Variants in CDKL5 observed in about 807,000 individuals in gnomAD.
The protein encoded by CDKL5 is cyclin-dependent kinase-like 5.
CDKL5 carries 8 observed loss-of-function variants against 61.7 expected under a neutral mutation model. The observed-to-expected ratio is 0.13, with a 90% CI of 0.08 to 0.23. The LOEUF is 0.23. Ranked by LOEUF, CDKL5 falls within the 10% of genes least tolerant of loss-of-function variation. CDKL5 has a pLI of 1.00. For synonymous variants in CDKL5, 275 were observed against 272.3 expected (o/e 1.01, Z -0.10); for missense variants, 440 against 734.5 (o/e 0.60, Z 4.63).
intron 20 of CDKL5, among the ~76,000 whole-genome samples, chrX:18,648,230 T>C (rs1927871503): frequency 9.2e-6 from 1 of 109,211 alleles, no homozygotes; most frequent in South Asian, 4.0e-4. Context: ...TATTCATTCA[T>C]TCTCCCCTTC....
At chrX:18,565,245 AT>A (rs749531317) in intron 4 of CDKL5, among the ~76,000 whole-genome samples, 1 of 111,781 alleles carries the variant, frequency 8.9e-6, no homozygotes, top group Non-Finnish European at 1.9e-5. Flanking sequence ...TCTAGACAAC[AT>A]TTTTTTCAGA....
chrX:18,584,216 A>G, intron 7 of CDKL5, 47 bp from the exon 8 acceptor site: 1 of 862,588 alleles, frequency 1.2e-6, no homozygotes, highest in Non-Finnish European at 1.7e-6. Flanking sequence ...CACATGAATT[A>G]TTATTTCTTT....
chrX:18,519,000 TGTGTGTCA>T (rs1479372590), intron 3 of CDKL5, among the ~76,000 whole-genome samples: 1 of 111,155 alleles, frequency 9.0e-6, no homozygotes, highest in East Asian at 2.8e-4. Context: ...GTTTTACCTC[TGTGTGTCA>T]GAGGGCCCAG....
intron 3 of CDKL5, among the ~76,000 whole-genome samples, chrX:18,556,314 T>C (rs1924599955): frequency 9.3e-6 from 1 of 108,099 alleles, no homozygotes; most frequent in African/African-American, 3.3e-5. Flanking sequence ...TCTTCAGTGA[T>C]GTGTGTGTGT....
intron 1 of CDKL5, among the ~76,000 whole-genome samples, chrX:18,480,928 G>A (rs1256219805): frequency 9.9e-6 from 1 of 101,418 alleles, no homozygotes; most frequent in African/African-American, 3.8e-5. Context: ...CGTGATCTCC[G>A]CTCACTGCAA....
At chrX:18,572,963 A>T (rs183670136) in intron 4 of CDKL5, among the ~76,000 whole-genome samples, 57 of 112,006 alleles carry the variant, frequency 5.1e-4, no homozygotes, top group African/African-American at 1.8e-3. Flanking sequence ...ATAAGGAATA[A>T]TGGGGATGGA....
At chrX:18,485,841 G>C (rs768548999) in intron 1 of CDKL5, among the ~76,000 whole-genome samples, 1 of 111,359 alleles carries the variant, frequency 9.0e-6, no homozygotes, top group Non-Finnish European at 1.9e-5. Flanking sequence ...ACTCCATTTG[G>C]GCCTGCTGTT....
In CDKL5 at chrX:18,584,285, A is replaced by C. The variant is rs758844150; in HGVS notation, c.486A>C (p.Glu162Asp). 8.3e-7 allele frequency: 1 copy of C among 1,203,401 alleles called. No individual in the cohort carries two copies. The highest frequency in any genetic ancestry group is 2.2e-5 in the Admixed American group (1 of 46,017). The change falls in exon 8 of 18, where the codon GAA (glutamate) becomes GAC (aspartate). Residue 162 changes from glutamate (E) to aspartate (D), a missense_variant. Glu to Asp is a conservative substitution (Grantham distance 45). Coordinates refer to ENST00000623535, the MANE Select transcript of CDKL5 (RefSeq NM_001323289.2). ...CDFGFARNLS[E>D]GNNANYTEYV... is the part of the protein sequence containing the mutation. Reference sequence around the variant, plus strand: ...CAGGTTTTGCTCGTAATCTGTCAGAAGGCAATAATGCTAATTACACAGAGT... The same window carrying C: ...CAGGTTTTGCTCGTAATCTGTCAGACGGCAATAATGCTAATTACACAGAGT...
At chrX:18,614,485 A>G (rs1926658174) in intron 15 of CDKL5, among the ~76,000 whole-genome samples, 1 of 111,979 alleles carries the variant, frequency 8.9e-6, no homozygotes, top group South Asian at 3.7e-4. Flanking sequence ...TGTGTAAAAT[A>G]GGGCTAAGAA....
intron 17 of CDKL5, among the ~76,000 whole-genome samples, chrX:18,626,537 T>C (rs1403941969): frequency 2.7e-5 from 3 of 110,677 alleles, no homozygotes; most frequent in African/African-American, 9.9e-5. Context: ...TGGATATGTA[T>C]GCAAACTAAA....
intron 16 of CDKL5, 59 bp downstream of exon 16, chrX:18,620,025 C>CT (rs1926841995): frequency 1.7e-5 from 12 of 719,377 alleles, no homozygotes; most frequent in Non-Finnish European, 2.6e-5. Context: ...TCAATGGATA[C>CT]TTTACACTTT....
intron 3 of CDKL5, among the ~76,000 whole-genome samples, chrX:18,544,778 TTTG>T (rs1924134278): frequency 1.8e-5 from 2 of 112,727 alleles, no homozygotes; most frequent in Admixed American, 9.4e-5. Context: ...TAGAAAAGTT[TTTG>T]TTTTCTTTCT....
At position 18,628,851 on chromosome X, in the gene CDKL5, G is replaced by T; in HGVS notation, c.*94G>T. ...CTTGGGGCATGGGCCGGGCCAAGTG[G>T]TGAGCCAATATTTTCAGCTTTATGA... On this transcript the variant is annotated 3_prime_UTR_variant, in exon 18 of 18. Transcript: ENST00000623535. The T allele has an allele frequency of 6.4e-6, 7 of 1,085,572 alleles. No individual in the cohort carries two copies. The highest frequency in any genetic ancestry group is 8.3e-6 in the Non-Finnish European group (7 of 840,872). The allele number at this position is 1,085,572 out of a possible 1,213,427, so 89.5% of individuals were successfully genotyped here. A position where few individuals can be genotyped will look rare whatever the true frequency, so the allele number is the denominator to read the frequency against.
chrX:18,488,779 T>G (rs1791963748), intron 1 of CDKL5, among the ~76,000 whole-genome samples: 1 of 111,725 alleles, frequency 9.0e-6, no homozygotes, highest in Non-Finnish European at 1.9e-5. Flanking sequence ...ACCTGAATGC[T>G]AGTTCAGGCC....
At chrX:18,613,321 AT>A (rs1926623706) in intron 15 of CDKL5, 46 bp downstream of exon 15, 1 of 1,134,284 alleles carries the variant, frequency 8.8e-7, no homozygotes, top group South Asian at 1.8e-5. Flanking sequence ...TTAATTGTAG[AT>A]TTAAGAGTTG....
intron 1 of CDKL5, among the ~76,000 whole-genome samples, chrX:18,433,754 T>C (rs770674916): frequency 8.9e-6 from 1 of 112,383 alleles, no homozygotes; most frequent in East Asian, 2.8e-4. Context: ...CTTGGTGATA[T>C]GTTGGGAATG....
At chrX:18,541,857 G>A (rs1302717789) in intron 3 of CDKL5, among the ~76,000 whole-genome samples, 1 of 110,692 alleles carries the variant, frequency 9.0e-6, no homozygotes, top group African/African-American at 3.3e-5. Context: ...AATTTGTTGA[G>A]AGTTCCTATA....
At chrX:18,582,205 C>CA (rs1925504744) in intron 7 of CDKL5, among the ~76,000 whole-genome samples, 1 of 111,125 alleles carries the variant, frequency 9.0e-6, no homozygotes. Context: ...CCCATATGCC[C>CA]AATATCTAAT....
intron 1 of CDKL5, among the ~76,000 whole-genome samples, chrX:18,477,287 G>T (rs1921354632): frequency 9.5e-6 from 1 of 105,209 alleles, no homozygotes; most frequent in Admixed American, 1.0e-4. Context: ...ACCTGGTCTT[G>T]AACTCCTGAC....
Sources: allele counts gnomAD v4.1 joint callset (sites outside exome capture counted in the v4.1 genomes callset), GRCh38; gene constraint gnomAD v4.1.1; transcripts MANE v1.5; gene names NCBI Gene and HGNC (gene_info 2026-07-23, HGNC 2026-07-21).